LRP1B: variants seen among roughly 807,000 people sequenced by gnomAD.
LRP1B encodes the protein low-density lipoprotein receptor-related protein 1B.
In LRP1B, 217 loss-of-function variants were observed where a neutral mutation model predicts 556.6. That is an observed-to-expected ratio of 0.39 (90% CI 0.35 to 0.44). The LOEUF (loss-of-function observed/expected upper bound fraction) is 0.44, where lower values mean the gene tolerates loss of function less well. LRP1B is among the 20% of genes least tolerant of loss of function. The pLI, the probability that LRP1B is intolerant of heterozygous loss-of-function variation, is 1.00. For synonymous variants in LRP1B, 2,047 were observed against 1,865.8 expected (o/e 1.10, Z -2.50); for missense variants, 5,053 against 5,620.8 (o/e 0.90, Z 3.23).
chr2:140,232,286 T>A lies in LRP1B; in HGVS notation c.*900A>T, dbSNP rs1335836755. On this transcript the variant is annotated 3_prime_UTR_variant, in exon 91 of 91. Coordinates refer to ENST00000389484, the MANE Select transcript of LRP1B (RefSeq NM_018557.3). ...TGTGTGCTTATATATTATTCTTTAG[T>A]GTTCAGTGTAGTGTAAGGGGTTGGG... The A allele has an allele frequency of 2.6e-5, 4 of 151,288 alleles. No homozygotes were observed. In the East Asian group the frequency reaches 7.8e-4, roughly 30 times the overall value. The allele number at this position is 151,288 out of a possible 1,614,324, so 9.4% of individuals were successfully genotyped here. A position where few individuals can be genotyped will look rare whatever the true frequency, so the allele number is the denominator to read the frequency against.
chr2:142,057,043 A>G (rs1704702137), intron 1 of LRP1B, among the ~76,000 whole-genome samples: 1 of 152,090 alleles, frequency 6.6e-6, no homozygotes, highest in Non-Finnish European at 1.5e-5. Context: ...ATGGTTTCTT[A>G]TTGCTTTTTA....
chr2:140,703,289 GA>G (rs1490682001), intron 37 of LRP1B, among the ~76,000 whole-genome samples: 3 of 151,938 alleles, frequency 2.0e-5, no homozygotes, highest in Admixed American at 6.6e-5. Context: ...CTATGTGAAA[GA>G]AAATGTCATG....
At chr2:141,136,163 G>A (rs1248056956) in intron 7 of LRP1B, among the ~76,000 whole-genome samples, 1 of 151,848 alleles carries the variant, frequency 6.6e-6, no homozygotes, top group Non-Finnish European at 1.5e-5. Context: ...GTACAAAGCT[G>A]CATGCGTATG....
At chr2:142,001,136 C>A (rs1007182104) in intron 1 of LRP1B, among the ~76,000 whole-genome samples, 1 of 152,264 alleles carries the variant, frequency 6.6e-6, no homozygotes, top group African/African-American at 2.4e-5. Context: ...GAGGCCTCCC[C>A]AACCCCGTGG....
At chr2:141,481,985 G>C (rs1309299771) in intron 2 of LRP1B, among the ~76,000 whole-genome samples, 1 of 151,866 alleles carries the variant, frequency 6.6e-6, no homozygotes, top group African/African-American at 2.4e-5. Context: ...TCCTCCTCCT[G>C]AAAAAGAAAG....
intron 1 of LRP1B, among the ~76,000 whole-genome samples, chr2:142,085,119 T>C (rs1329033198): frequency 2.0e-5 from 3 of 152,186 alleles, no homozygotes; most frequent in Non-Finnish European, 2.9e-5. Flanking sequence ...TCATTGAAGC[T>C]CCCAGTATTC....
At chr2:141,912,788 A>G (rs985661259) in intron 1 of LRP1B, among the ~76,000 whole-genome samples, 2 of 152,188 alleles carry the variant, frequency 1.3e-5, no homozygotes, top group African/African-American at 2.4e-5. Flanking sequence ...CAATCTGTAC[A>G]AATAAACATT....
At chr2:140,682,994 C>T (rs1685917291) in intron 41 of LRP1B, among the ~76,000 whole-genome samples, 2 of 152,110 alleles carry the variant, frequency 1.3e-5, no homozygotes, top group South Asian at 2.1e-4. Context: ...CATTAGAGTA[C>T]GTGTAGAAAA....
intron 3 of LRP1B, among the ~76,000 whole-genome samples, chr2:141,445,867 C>G (rs375867919): frequency 6.6e-6 from 1 of 152,074 alleles, no homozygotes; most frequent in African/African-American, 2.4e-5. Flanking sequence ...ATAAGTGCAA[C>G]GTGGTGCTGA....
intron 2 of LRP1B, among the ~76,000 whole-genome samples, chr2:141,639,397 T>C (rs9967697): frequency 0.021 from 1,143 of 53,620 alleles, 42 homozygotes; most frequent in African/African-American, 0.049. Context: ...TATACACATA[T>C]ATATATATGT....
intron 43 of LRP1B, among the ~76,000 whole-genome samples, chr2:140,579,891 CAGA>C (rs1281720563): frequency 1.3e-5 from 2 of 152,078 alleles, no homozygotes; most frequent in Admixed American, 1.3e-4. Context: ...AAACCATTTT[CAGA>C]AGAATAAAGT....
At chr2:140,410,716 C>T (rs968330747) in intron 66 of LRP1B, among the ~76,000 whole-genome samples, 2 of 152,054 alleles carry the variant, frequency 1.3e-5, no homozygotes, top group Non-Finnish European at 2.9e-5. Context: ...CTCAAATATT[C>T]CTTCAAGGTA....
At chr2:141,265,174 G>A (rs2105358000) in intron 3 of LRP1B, among the ~76,000 whole-genome samples, 1 of 152,284 alleles carries the variant, frequency 6.6e-6, no homozygotes, top group African/African-American at 2.4e-5. Flanking sequence ...TGCTACCAAT[G>A]GAGGGGTCCA....
rs766455777 is a variant in LRP1B at position 140,274,446 on chromosome 2, CTTTA to C, written c.13116_13119del (p.Asn4372LysfsTer82). 6.2e-7 allele frequency: 1 copy of C among 1,612,354 alleles called. No homozygotes were observed. Among genetic ancestry groups the C allele is most frequent in the Non-Finnish European group, 8.5e-7 (1 of 1,178,918 alleles). On this transcript the variant is annotated frameshift_variant, in exon 85 of 91. Coordinates refer to ENST00000389484, the MANE Select transcript of LRP1B (RefSeq NM_018557.3). LOFTEE classifies it high-confidence loss of function. ...TACTTGCAAAATATATCTTCACTGTCTTTATTTATAATGCAGTGCCCCCCATGGC... is the reference window on the plus strand; with the variant it reads ...TACTTGCAAAATATATCTTCACTGTCTTTATAATGCAGTGCCCCCCATGGC...
intron 43 of LRP1B, among the ~76,000 whole-genome samples, chr2:140,543,519 A>G (rs1680212903): frequency 6.6e-6 from 1 of 151,912 alleles, no homozygotes; most frequent in African/African-American, 2.4e-5. Context: ...ACATGTCCCA[A>G]TACATGCAGA....
At chr2:141,782,535 G>A (rs1301004588) in intron 2 of LRP1B, among the ~76,000 whole-genome samples, 1 of 47,166 alleles carries the variant, frequency 2.1e-5, no homozygotes, top group Non-Finnish European at 3.5e-5. Flanking sequence ...TTTTTTTTTG[G>A]TAGCATAATG....
intron 1 of LRP1B, among the ~76,000 whole-genome samples, chr2:142,042,988 A>G (rs1328101387): frequency 6.6e-6 from 1 of 151,500 alleles, no homozygotes; most frequent in Non-Finnish European, 1.5e-5. Context: ...TAATTTTATT[A>G]CTTATCATTT....
chr2:141,235,354 TTTAAG>T (rs1179133417), intron 5 of LRP1B, among the ~76,000 whole-genome samples: 1 of 152,022 alleles, frequency 6.6e-6, no homozygotes, highest in African/African-American at 2.4e-5. Flanking sequence ...AAGTAGAAAG[TTTAAG>T]TTATCTACAA....
chr2:140,345,807 C>CACATATATATACATATAT (rs1681637638), intron 77 of LRP1B, among the ~76,000 whole-genome samples: 1 of 140,600 alleles, frequency 7.1e-6, no homozygotes, highest in Non-Finnish European at 1.5e-5. Context: ...TACATATATA[C>CACATATATATACATATAT]ACATATATAT....
Sources: gnomAD v4.1 joint callset for allele counts (sites outside exome capture counted in the v4.1 genomes callset) on GRCh38, gnomAD v4.1.1 for gene constraint, MANE v1.5 for transcripts, NCBI Gene and HGNC (gene_info 2026-07-23, HGNC 2026-07-21) for gene names.